CNTNAP2: variants seen among roughly 807,000 people sequenced by gnomAD.
CNTNAP2 encodes contactin-associated protein-like 2.
Under a neutral mutation model 155.2 loss-of-function variants are expected in CNTNAP2, and 98 were observed. The ratio of observed to expected loss-of-function variants is 0.63; its 90% CI spans 0.54 to 0.75. The LOEUF is 0.75. Among genes scored for constraint, CNTNAP2 ranks in the 30% least tolerant of loss-of-function variants. The probability of loss-of-function intolerance (pLI) is 0.00; values close to 1 mark genes in which losing one functional copy is unlikely to be tolerated. For missense variants in CNTNAP2, 1,727 were observed against 1,688.1 expected (o/e 1.02, Z -0.40); for synonymous variants, 651 against 631.2 (o/e 1.03, Z -0.47).
intron 15 of CNTNAP2, among the ~76,000 whole-genome samples, chr7:148,002,234 G>C (rs1441244349): frequency 6.6e-6 from 1 of 152,054 alleles, no homozygotes; most frequent in Non-Finnish European, 1.5e-5. Flanking sequence ...CTCCAGCCAC[G>C]TGTATTTTCA....
At position 147,108,208 on chromosome 7, in the gene CNTNAP2, G is replaced by A. The variant is rs780637319; in HGVS notation, c.612G>A (p.Lys204=). Residue 204 remains lysine (K), a synonymous_variant, in exon 5 of 24, where the codon AAG becomes AAA. Coordinates refer to ENST00000361727, the MANE Select transcript of CNTNAP2 (RefSeq NM_014141.6). ...VVLPYRFRNK[K]MKTLKDVIAL... ...TACCATATAGATTCAGAAACAAGAA[G>A]ATGAAAACACTGAAAGATGTCATTG... 4 of 1,613,600 alleles carry A rather than the reference G, an allele frequency of 2.5e-6. No individual in the cohort carries two copies. The highest frequency in any genetic ancestry group is 2.2e-5 in the East Asian group (1 of 44,828).
chr7:148,276,618 C>T (rs1796873956), intron 21 of CNTNAP2, among the ~76,000 whole-genome samples: 1 of 152,242 alleles, frequency 6.6e-6, no homozygotes, highest in Admixed American at 6.5e-5. Context: ...ATGCCGGGCA[C>T]TGACAGCATC....
chr7:146,863,089 A>G (rs1340564905), intron 3 of CNTNAP2, among the ~76,000 whole-genome samples: 5 of 152,154 alleles, frequency 3.3e-5, no homozygotes, highest in Non-Finnish European at 4.4e-5. Flanking sequence ...TAATGATTTG[A>G]TAACTTAAAA....
At chr7:146,157,669 T>G (rs1313780736) in intron 1 of CNTNAP2, among the ~76,000 whole-genome samples, 1 of 152,118 alleles carries the variant, frequency 6.6e-6, no homozygotes, top group Non-Finnish European at 1.5e-5. Flanking sequence ...AACTGCAAGG[T>G]GGCAGCGAGA....
intron 1 of CNTNAP2, among the ~76,000 whole-genome samples, chr7:146,735,752 T>A (rs548207690): frequency 2.4e-4 from 34 of 140,566 alleles, no homozygotes; most frequent in Admixed American, 1.6e-3. Flanking sequence ...ACTAGCAGCT[T>A]GGAAGAGTAG....
chr7:146,960,663 C>G (rs1797538827), intron 3 of CNTNAP2, among the ~76,000 whole-genome samples: 1 of 152,164 alleles, frequency 6.6e-6, no homozygotes, highest in African/African-American at 2.4e-5. Flanking sequence ...ATTAGTTGTT[C>G]TTTATATCAC....
chr7:146,123,415 G>A (rs1797590980), intron 1 of CNTNAP2, among the ~76,000 whole-genome samples: 1 of 152,110 alleles, frequency 6.6e-6, no homozygotes, highest in Non-Finnish European at 1.5e-5. Flanking sequence ...CACTGGGATG[G>A]TGATCTGGAA....
chr7:147,137,055 A>G (rs1801496178), intron 8 of CNTNAP2, among the ~76,000 whole-genome samples: 2 of 151,928 alleles, frequency 1.3e-5, no homozygotes, highest in East Asian at 1.9e-4. Flanking sequence ...CTTCCCTTTG[A>G]TCCATTAAAT....
chr7:146,949,301 A>T (rs538775205), intron 3 of CNTNAP2, among the ~76,000 whole-genome samples: 1 of 152,354 alleles, frequency 6.6e-6, no homozygotes, highest in Non-Finnish European at 1.5e-5. Context: ...CATTTCCCCT[A>T]TACGGAAACA....
chr7:148,154,350 T>C (rs1469528616), intron 17 of CNTNAP2, among the ~76,000 whole-genome samples: 1 of 152,174 alleles, frequency 6.6e-6, no homozygotes, highest in African/African-American at 2.4e-5. Flanking sequence ...TGAGGTTTAT[T>C]AAATGGACGT....
At chr7:146,310,328 A>T (rs1453530822) in intron 1 of CNTNAP2, among the ~76,000 whole-genome samples, 1 of 152,166 alleles carries the variant, frequency 6.6e-6, no homozygotes, top group African/African-American at 2.4e-5. Context: ...TATTATTCTA[A>T]TATTGTATTA....
intron 1 of CNTNAP2, among the ~76,000 whole-genome samples, chr7:146,147,504 G>A (rs960100130): frequency 5.9e-5 from 9 of 152,192 alleles, no homozygotes; most frequent in East Asian, 1.9e-4. Flanking sequence ...AATGGCTTTC[G>A]TAATGCAGAT....
intron 2 of CNTNAP2, among the ~76,000 whole-genome samples, chr7:146,831,766 T>A (rs554453391): frequency 6.6e-6 from 1 of 151,840 alleles, no homozygotes; most frequent in Admixed American, 6.6e-5. Flanking sequence ...TATACTCAGT[T>A]AGTAGTTTTG....
chr7:146,734,816 A>T (rs1801583935), intron 1 of CNTNAP2, among the ~76,000 whole-genome samples: 1 of 152,242 alleles, frequency 6.6e-6, no homozygotes, highest in Admixed American at 6.5e-5. Context: ...TCCTCAAGGA[A>T]TCTCGATGTG....
chr7:147,023,795 T>C (rs945239966), intron 3 of CNTNAP2, among the ~76,000 whole-genome samples: 2 of 152,216 alleles, frequency 1.3e-5, no homozygotes, highest in East Asian at 1.9e-4. Flanking sequence ...GGAGATGTAA[T>C]TGAGTCCTCA....
intron 8 of CNTNAP2, among the ~76,000 whole-genome samples, chr7:147,284,175 C>T (rs1045858927): frequency 6.6e-6 from 1 of 151,546 alleles, no homozygotes; most frequent in African/African-American, 2.4e-5. Context: ...TTTTTTCCCC[C>T]CAAATCAATA....
intron 13 of CNTNAP2, among the ~76,000 whole-genome samples, chr7:147,663,709 C>A (rs569809682): frequency 3.9e-5 from 6 of 152,262 alleles, no homozygotes; most frequent in Admixed American, 3.9e-4. Context: ...TGCAGTTTAG[C>A]TTTTGTGTAA....
chr7:147,043,813 A>G (rs1260706620), intron 3 of CNTNAP2, 94 bp from the exon 4 acceptor site: 2 of 1,435,678 alleles, frequency 1.4e-6, no homozygotes, highest in Non-Finnish European at 1.9e-6. Flanking sequence ...AAGCCCTACC[A>G]TTGGATGACA....
intron 9 of CNTNAP2, among the ~76,000 whole-genome samples, chr7:147,331,291 C>T (rs1795561986): frequency 6.6e-6 from 1 of 152,054 alleles, no homozygotes; most frequent in African/African-American, 2.4e-5. Context: ...GGATCGCTGG[C>T]TTGGACGACT....
Sources: allele counts gnomAD v4.1 joint callset (sites outside exome capture counted in the v4.1 genomes callset), GRCh38; gene constraint gnomAD v4.1.1; transcripts MANE v1.5; gene names NCBI Gene and HGNC (gene_info 2026-07-23, HGNC 2026-07-21).